The following DYSF variants were observed in gnomAD, a reference collection of about 807,000 sequenced individuals.
DYSF encodes dystrophy-associated fer-1-like 1.
DYSF carries 212 observed loss-of-function variants against 274.9 expected under a neutral mutation model. That is an observed-to-expected ratio of 0.77 (90% CI 0.69 to 0.86). DYSF has a LOEUF of 0.86. Ranked by LOEUF, DYSF falls within the 40% of genes least tolerant of loss-of-function variation. The probability of loss-of-function intolerance (pLI) is 0.00; values close to 1 mark genes in which losing one functional copy is unlikely to be tolerated. For missense variants in DYSF, 2,666 were observed against 2,783.2 expected (o/e 0.96, Z 0.95); for synonymous variants, 1,091 against 1,078.7 (o/e 1.01, Z -0.22).
chr2:71,453,733 G>A, exon 1 of DYSF: 1 of 541,192 alleles, frequency 1.8e-6, no homozygotes, highest in South Asian at 2.0e-5. Flanking sequence ...GGTGGAAGAT[G>A]AGCAGAAGCC....
At chr2:71,639,945 TTATG>T (rs2094461671) in intron 41 of DYSF, among the ~76,000 whole-genome samples, 1 of 152,220 alleles carries the variant, frequency 6.6e-6, no homozygotes, top group South Asian at 2.1e-4. Flanking sequence ...TACGTTGCAT[TTATG>T]TGTAGGCACA....
At chr2:71,513,135 G>C in intron 5 of DYSF, 105 bp from the exon 6 acceptor site, 2 of 1,056,470 alleles carry the variant, frequency 1.9e-6, no homozygotes, top group Non-Finnish European at 1.4e-6. Flanking sequence ...ACCAGGCTGG[G>C]GTGGGCGGGG....
At chr2:71,556,204 C>T in intron 22 of DYSF, 133 bp downstream of exon 22, 1 of 754,166 alleles carries the variant, frequency 1.3e-6, no homozygotes, top group South Asian at 1.5e-5. Flanking sequence ...CCAGCCCGTG[C>T]TGAGTCCAAA....
At chr2:71,622,542 A>G (rs1055926716) in intron 41 of DYSF, among the ~76,000 whole-genome samples, 2 of 152,172 alleles carry the variant, frequency 1.3e-5, no homozygotes, top group African/African-American at 2.4e-5. Flanking sequence ...ATTTCCATTA[A>G]TTGGGATGAT....
intron 22 of DYSF, among the ~76,000 whole-genome samples, chr2:71,557,040 C>T (rs2091388996): frequency 6.6e-6 from 1 of 152,194 alleles, no homozygotes; most frequent in Admixed American, 6.5e-5. Context: ...AGAAATGCTC[C>T]CGGCCCAGTA....
At chr2:71,633,494 T>G (rs2094347874) in intron 41 of DYSF, among the ~76,000 whole-genome samples, 1 of 152,196 alleles carries the variant, frequency 6.6e-6, no homozygotes, top group African/African-American at 2.4e-5. Context: ...ACATTAATCA[T>G]GGTAAACTTT....
intron 5 of DYSF, 68 bp downstream of exon 5, chr2:71,511,989 G>T: frequency 9.7e-7 from 1 of 1,035,938 alleles, no homozygotes; most frequent in South Asian, 1.4e-5. Context: ...GAGCCTGGGG[G>T]CTGGGAGCTG....
chr2:71,587,233 C>T (rs1052299226), intron 30 of DYSF, among the ~76,000 whole-genome samples: 15 of 152,118 alleles, frequency 9.9e-5, no homozygotes, highest in Admixed American at 4.6e-4. Context: ...CCAGGCCAAA[C>T]GCCTCTCCTG....
chr2:71,570,770 A>T, intron 29 of DYSF, 29 bp downstream of exon 29: 1 of 1,612,638 alleles, frequency 6.2e-7, no homozygotes, highest in East Asian at 2.2e-5. Context: ...GGTGGGAGTG[A>T]GGCCTGTGGT....
rs1205077486 is a variant in DYSF at position 71,570,672 on chromosome 2, C to T, written c.3159C>T (p.Tyr1053=). 1 of 1,614,010 alleles carries T rather than the reference C, an allele frequency of 6.2e-7. No individual in the cohort carries two copies. Among genetic ancestry groups the T allele is most frequent in the Non-Finnish European group, 8.5e-7 (1 of 1,180,002 alleles). The change falls in exon 29 of 56, where the codon TAC becomes TAT. Residue 1053 remains tyrosine, a synonymous_variant. Coordinates refer to ENST00000410020, the MANE Select transcript of DYSF (RefSeq NM_001130987.2). ...GGGTCCCTGCTGAGAAGATGTACTA[C>T]ACACACCGACGGCGGCGCTGGGTGC... ...KHWVPAEKMY[Y]THRRRRWVRL... is the part of the protein sequence containing the mutation.
intron 1 of DYSF, among the ~76,000 whole-genome samples, chr2:71,457,621 C>T (rs2081122299): frequency 6.6e-6 from 1 of 152,176 alleles, no homozygotes; most frequent in South Asian, 2.1e-4. Flanking sequence ...CATCCTCAGC[C>T]CTTATGTTCT....
At chr2:71,645,261 T>A (rs1057474700) in intron 42 of DYSF, among the ~76,000 whole-genome samples, 5 of 152,150 alleles carry the variant, frequency 3.3e-5, no homozygotes, top group African/African-American at 1.2e-4. Flanking sequence ...AAGGTTTTAC[T>A]GGGTGGAAGT....
chr2:71,527,118 G>A (rs972107301), intron 13 of DYSF, among the ~76,000 whole-genome samples: 22 of 152,146 alleles, frequency 1.4e-4, no homozygotes, highest in Admixed American at 1.2e-3. Context: ...TCCAAATGCC[G>A]GGGCCCCACC....
At chr2:71,675,843 TTA>T (rs546675443) in intron 52 of DYSF, among the ~76,000 whole-genome samples, 36 of 152,206 alleles carry the variant, frequency 2.4e-4, no homozygotes, top group African/African-American at 8.7e-4. Context: ...ATATATGTAT[TTA>T]TATATACACA....
intron 1 of DYSF, among the ~76,000 whole-genome samples, chr2:71,479,654 C>A (rs2082723393): frequency 6.6e-6 from 1 of 152,232 alleles, no homozygotes; most frequent in Non-Finnish European, 1.5e-5. Context: ...GCCTCACCTG[C>A]CCACCTCACT....
chr2:71,645,896 G>A (rs1367029901), intron 42 of DYSF, among the ~76,000 whole-genome samples: 1 of 152,178 alleles, frequency 6.6e-6, no homozygotes, highest in Admixed American at 6.5e-5. Context: ...AGACACATAG[G>A]AAAGGCCCCA....
intron 1 of DYSF, among the ~76,000 whole-genome samples, chr2:71,455,463 C>G (rs1326615547): frequency 6.6e-6 from 1 of 152,172 alleles, no homozygotes; most frequent in Non-Finnish European, 1.5e-5. Flanking sequence ...CAATCAGTTT[C>G]CCACGTGGCC....
chr2:71,482,455 A>G (rs988125810), intron 3 of DYSF, among the ~76,000 whole-genome samples: 2 of 152,188 alleles, frequency 1.3e-5, no homozygotes, highest in African/African-American at 2.4e-5. Flanking sequence ...TTTAGAAATC[A>G]GAACAGTAAA....
chr2:71,492,881 T>C (rs1014839809), intron 3 of DYSF, among the ~76,000 whole-genome samples: 6 of 152,018 alleles, frequency 3.9e-5, no homozygotes, highest in African/African-American at 1.4e-4. Context: ...CATACTTTTT[T>C]GTTTGTTTGT....
Sources: allele counts gnomAD v4.1 joint callset (sites outside exome capture counted in the v4.1 genomes callset), GRCh38; gene constraint gnomAD v4.1.1; transcripts MANE v1.5; gene names NCBI Gene and HGNC (gene_info 2026-07-23, HGNC 2026-07-21).